Variants in SCMH1 observed in about 807,000 individuals in gnomAD.
SCMH1 encodes Scm polycomb group protein homolog 1, also known as polycomb protein SCMH1.
Under a neutral mutation model 70.8 loss-of-function variants are expected in SCMH1, and 37 were observed. The ratio of observed to expected loss-of-function variants is 0.52; its 90% CI spans 0.40 to 0.69. The LOEUF (loss-of-function observed/expected upper bound fraction) is 0.69. Ranked by LOEUF, SCMH1 falls within the 30% of genes least tolerant of loss-of-function variation. The pLI is 0.00. For synonymous variants in SCMH1, 292 were observed against 307.4 expected, an observed-to-expected ratio of 0.95 and a Z score of 0.52; for missense variants, 607 against 827.3, an observed-to-expected ratio of 0.73 and a Z score of 3.27.
At chr1:41,207,124 T>C (rs973550613) in intron 1 of SCMH1, among the ~76,000 whole-genome samples, 2 of 152,168 alleles carry the variant, frequency 1.3e-5, no homozygotes, top group Non-Finnish European at 1.5e-5. Flanking sequence ...ATGAAGAAAC[T>C]GCATCAATTA....
chr1:41,052,729 T>C (rs559330894), intron 10 of SCMH1, among the ~76,000 whole-genome samples: 6 of 152,224 alleles, frequency 3.9e-5, no homozygotes, highest in Admixed American at 1.3e-4. Flanking sequence ...AGAGTACATA[T>C]AGTATGATTC....
chr1:41,043,929 A>C (rs955572737), intron 12 of SCMH1: 2 of 152,182 alleles, frequency 1.3e-5, no homozygotes, highest in African/African-American at 4.8e-5. Flanking sequence ...ATGTGTATAT[A>C]TAGTTAGGAG....
chr1:41,211,679 G>T (rs1437970501), intron 1 of SCMH1, among the ~76,000 whole-genome samples: 1 of 152,152 alleles, frequency 6.6e-6, no homozygotes, highest in East Asian at 1.9e-4. Flanking sequence ...TATACCCAAA[G>T]GATTATAAAT....
Position 41,098,221 on chromosome 1 carries a change from C to A in SCMH1, c.745+15062G>T, listed in dbSNP as rs57249011. On this transcript the variant is annotated intron_variant, in intron 8 of 14. Coordinates refer to ENST00000337495, the Ensembl canonical transcript of SCMH1. ...CACCTGCTTCTGTAATACACATAAACTGAAACTTTTAAATACTACTTATGA... is the reference window on the plus strand; with the variant it reads ...CACCTGCTTCTGTAATACACATAAAATGAAACTTTTAAATACTACTTATGA... Among the ~76,000 whole-genome samples, 1,019 of 152,268 alleles carry A rather than the reference C, an allele frequency of 6.7e-3. 15 individuals are homozygous for A. Among genetic ancestry groups the A allele is most frequent in the African/African-American group, 0.024 (981 of 41,558 alleles).
chr1:41,194,532 T>C (rs1011256122), intron 1 of SCMH1, among the ~76,000 whole-genome samples: 7 of 152,322 alleles, frequency 4.6e-5, no homozygotes, highest in African/African-American at 1.7e-4. Flanking sequence ...GGGCAGCAAT[T>C]TGGTTAAGTT....
rs560305219 is a variant in SCMH1, at chr1:41,056,859, A to G, written c.1106-7969T>C. 6.6e-5 allele frequency among the ~76,000 whole-genome samples: 10 copies of G among 152,284 alleles called. No individual in the cohort carries two copies. In the East Asian group the frequency reaches 1.9e-3, roughly 29 times the overall value. On this transcript the variant is annotated intron_variant, in intron 10 of 14. Coordinates refer to ENST00000337495, the Ensembl canonical transcript of SCMH1. ...TCAACCGGATTCTCACAGTAAATAT[A>G]AGAGAAAAATACCCTCATGCTTTTG...
chr1:41,148,928 C>G (rs1644825603), intron 5 of SCMH1, among the ~76,000 whole-genome samples: 2 of 152,214 alleles, frequency 1.3e-5, no homozygotes, highest in East Asian at 3.9e-4. Flanking sequence ...GTAGCTGGGA[C>G]TACAGGTGCC....
chr1:41,135,456 G>A (rs956345269), intron 6 of SCMH1, among the ~76,000 whole-genome samples: 2 of 152,026 alleles, frequency 1.3e-5, no homozygotes, highest in African/African-American at 4.8e-5. Context: ...GTTTTATAAG[G>A]GGCTTCCCCC....
intron 2 of SCMH1, among the ~76,000 whole-genome samples, chr1:41,185,145 T>C (rs1014452065): frequency 2.6e-5 from 4 of 152,308 alleles, no homozygotes; most frequent in African/African-American, 9.6e-5. Flanking sequence ...TCTTTGATAT[T>C]TCCATACTGA....
At chr1:41,156,444 A>AT (rs536091388) in intron 4 of SCMH1, among the ~76,000 whole-genome samples, 58 of 152,012 alleles carry the variant, frequency 3.8e-4, no homozygotes, top group African/African-American at 1.3e-3. Context: ...TCTTTATTTT[A>AT]TTTTTTTTGA....
chr1:41,159,349 C>T (rs1645828892), intron 4 of SCMH1, among the ~76,000 whole-genome samples: 1 of 152,122 alleles, frequency 6.6e-6, no homozygotes, highest in Admixed American at 6.5e-5. Flanking sequence ...TTACAATATG[C>T]CTTAAGCTGT....
intron 13 of SCMH1, 53 bp downstream of exon 14, chr1:41,033,930 T>C: frequency 6.2e-7 from 1 of 1,612,132 alleles, no homozygotes; most frequent in Non-Finnish European, 8.5e-7. Flanking sequence ...AAAGTACTCT[T>C]CTCAGAAACA....
Position 41,192,958 on chromosome 1 carries a change from C to G in SCMH1, c.-117-6708G>C, listed in dbSNP as rs116091602. On this transcript the variant is annotated intron_variant, in intron 1 of 14. Transcript: ENST00000337495. ...TTTACAGGACATATGGTCTCTGTTG[C>G]AACTGCTCAACTCTGTTATCATAGC... 6.9e-3 allele frequency among the ~76,000 whole-genome samples: 1,055 copies of G among 152,284 alleles called. 5 individuals carry two copies. The highest frequency in any genetic ancestry group is 0.018 in the African/African-American group (750 of 41,548).
intron 1 of SCMH1, among the ~76,000 whole-genome samples, chr1:41,190,566 C>T (rs1651454440): frequency 6.6e-6 from 1 of 152,198 alleles, no homozygotes; most frequent in Admixed American, 6.5e-5. Flanking sequence ...GGAGGCTGGA[C>T]TGGGTAACCT....
intron 12 of SCMH1, among the ~76,000 whole-genome samples, chr1:41,046,025 A>C (rs959061602): frequency 6.6e-6 from 1 of 152,152 alleles, no homozygotes; most frequent in East Asian, 1.9e-4. Context: ...CTGTAGCCTG[A>C]GACTAAACCT....
At chr1:41,185,212 C>T (rs1234754178) in intron 2 of SCMH1, among the ~76,000 whole-genome samples, 1 of 152,110 alleles carries the variant, frequency 6.6e-6, no homozygotes, top group African/African-American at 2.4e-5. Context: ...AGTTCCAGCC[C>T]TGTGCTAGGT....
chr1:41,103,132 ATT>A (rs59012666), intron 8 of SCMH1, among the ~76,000 whole-genome samples: 1 of 145,384 alleles, frequency 6.9e-6, no homozygotes. Context: ...AGGGAAGAAA[ATT>A]TTTTTTTTTT....
intron 8 of SCMH1, among the ~76,000 whole-genome samples, chr1:41,094,888 C>T (rs1481263345): frequency 8.3e-6 from 1 of 121,012 alleles, no homozygotes; most frequent in African/African-American, 3.1e-5. Flanking sequence ...GACTCTGCCT[C>T]AAAAAAAAAA....
At chr1:41,129,725 C>T (rs1000098389) in intron 6 of SCMH1, among the ~76,000 whole-genome samples, 2 of 152,118 alleles carry the variant, frequency 1.3e-5, no homozygotes, top group Admixed American at 6.6e-5. Context: ...TGCCCAAGTC[C>T]CTGCTTTCAG....
Sources: gnomAD v4.1 joint callset for allele counts (sites outside exome capture counted in the v4.1 genomes callset) on GRCh38, gnomAD v4.1.1 for gene constraint, MANE v1.5 for transcripts, NCBI Gene and HGNC (gene_info 2026-07-23, HGNC 2026-07-21) for gene names.